Variants in ANXA2 observed in about 807,000 individuals in gnomAD.
ANXA2 encodes the protein annexin II.
Under a neutral mutation model 47.3 loss-of-function variants are expected in ANXA2, and 28 were observed. The ratio of observed to expected loss-of-function variants is 0.59; its 90% CI spans 0.44 to 0.81. ANXA2 has a LOEUF of 0.81. Among genes scored for constraint, ANXA2 ranks in the 40% least tolerant of loss-of-function variants. ANXA2 has a pLI of 0.00. For synonymous variants in ANXA2, 172 were observed against 155.5 expected (o/e 1.11, Z -0.79); for missense variants, 384 against 414.3 (o/e 0.93, Z 0.64).
intron 5 of ANXA2, 34 bp downstream of exon 5, chr15:60,360,907 G>T: frequency 7.4e-7 from 1 of 1,343,588 alleles, no homozygotes; most frequent in Non-Finnish European, 1.1e-6. Flanking sequence ...ATTAATAGCA[G>T]ATTTGACAGA....
chr15:60,371,063 G>C (rs900668382), intron 3 of ANXA2, among the ~76,000 whole-genome samples: 1 of 152,274 alleles, frequency 6.6e-6, no homozygotes, highest in Non-Finnish European at 1.5e-5. Flanking sequence ...AGAAGTTACA[G>C]TTTTCCAACA....
intron 3 of ANXA2, among the ~76,000 whole-genome samples, chr15:60,366,272 T>A (rs988639639): frequency 2.4e-4 from 37 of 151,220 alleles, no homozygotes; most frequent in African/African-American, 9.0e-4. Flanking sequence ...CGCCACCCCG[T>A]CTGGGAAGTG....
At position 60,351,706 on chromosome 15, in the gene ANXA2, G is replaced by C. The variant is rs749930415; in HGVS notation, c.778+18C>G. On this transcript the variant is annotated intron_variant, in intron 10 of 12. Transcript: ENST00000451270. ...TGGTAGCTGATGTCTACCAGGAATGGGGGCCACATTCACTTACCCAGGTTC... is the reference window on the plus strand; with the variant it reads ...TGGTAGCTGATGTCTACCAGGAATGCGGGCCACATTCACTTACCCAGGTTC... 2.6e-6 allele frequency: 4 copies of C among 1,520,032 alleles called. No homozygotes were observed. Among genetic ancestry groups the C allele is most frequent in the Non-Finnish European group, 3.7e-6 (4 of 1,094,554 alleles). The allele number at this position is 1,520,032 out of a possible 1,614,324, so 94.2% of individuals were successfully genotyped here.
chr15:60,372,610 A>AT (rs1478028948), intron 3 of ANXA2, among the ~76,000 whole-genome samples: 1 of 151,990 alleles, frequency 6.6e-6, no homozygotes, highest in Admixed American at 6.6e-5. Flanking sequence ...ATTTTGGTCC[A>AT]GTAGAAAAGA....
chr15:60,351,162 A>G, intron 11 of ANXA2, 31 bp downstream of exon 11: 1 of 1,611,372 alleles, frequency 6.2e-7, no homozygotes, highest in Non-Finnish European at 8.5e-7. Flanking sequence ...CTGAGTGTGG[A>G]AACACAGCTC....
At chr15:60,390,348 A>C (rs1595710252) in intron 1 of ANXA2, 1 of 805,410 alleles carries the variant, frequency 1.2e-6, no homozygotes. Context: ...CTTTCCTCCC[A>C]TGCCGATAGC....
chr15:60,361,906 C>CT (rs552103518), intron 4 of ANXA2, among the ~76,000 whole-genome samples: 1,555 of 146,120 alleles, frequency 0.011, 23 homozygotes, highest in African/African-American at 0.033. Flanking sequence ...CTTCTTTTCG[C>CT]TTTTTTTTTT....
chr15:60,363,201 G>C (rs1236701172), intron 4 of ANXA2, among the ~76,000 whole-genome samples: 4 of 152,146 alleles, frequency 2.6e-5, no homozygotes, highest in African/African-American at 7.2e-5. Flanking sequence ...CCAGCTCACA[G>C]ACCCCTTTGG....
At chr15:60,391,282 G>GACAC (rs1336553425) in intron 1 of ANXA2, 1 of 152,284 alleles carries the variant, frequency 6.6e-6, no homozygotes, top group African/African-American at 2.4e-5. Context: ...GACACAGAGA[G>GACAC]AAAGATCACA....
intron 3 of ANXA2, among the ~76,000 whole-genome samples, chr15:60,377,609 T>TAA (rs1264621001): frequency 1.3e-5 from 2 of 152,082 alleles, no homozygotes; most frequent in Non-Finnish European, 2.9e-5. Flanking sequence ...AAAAAACACA[T>TAA]AACTAAATTT....
chr15:60,365,175 TAACTTTATTAAAAAGAG>T (rs2062578044), intron 3 of ANXA2, among the ~76,000 whole-genome samples: 3 of 151,794 alleles, frequency 2.0e-5, no homozygotes, highest in African/African-American at 7.3e-5. Flanking sequence ...ATTAATTTTA[TAACTTTATTAAAAAGAG>T]TAAGTGTTTT....
chr15:60,362,051 C>T (rs2062522857), intron 4 of ANXA2, among the ~76,000 whole-genome samples: 1 of 152,038 alleles, frequency 6.6e-6, no homozygotes, highest in African/African-American at 2.4e-5. Flanking sequence ...CTGAATCATT[C>T]GTAGATGTCA....
rs74804427 is a variant in ANXA2, at chr15:60,392,958, A to G, written c.-12+4985T>C. 11 of 1,152,404 alleles carry G rather than the reference A, an allele frequency of 9.5e-6. No homozygotes were observed. The South Asian group carries it at 1.2e-4, about 13-fold the overall frequency. 71.4% of individuals were successfully genotyped at this position (1,152,404 alleles called of 1,614,324 possible). A position where few individuals can be genotyped will look rare whatever the true frequency, so the allele number is the denominator to read the frequency against. On this transcript the variant is annotated intron_variant, in intron 1 of 12. Coordinates refer to ENST00000451270, the MANE Select transcript of ANXA2 (RefSeq NM_004039.3). Reference sequence around the variant, plus strand: ...ATTTTAAACTAAAAAAAAAAAAAAAAAAAAATGTACTGGGTGAGGAGAGGG... The same window carrying G: ...ATTTTAAACTAAAAAAAAAAAAAAAGAAAAATGTACTGGGTGAGGAGAGGG...
In ANXA2 at chr15:60,351,174, C is replaced by G. The variant is rs748536773; in HGVS notation, c.837+19G>C. The G allele has an allele frequency of 5.5e-5, 88 of 1,613,652 alleles. 1 individual carries two copies. In the South Asian group the frequency reaches 6.8e-4, roughly 12 times the overall value. On this transcript the variant is annotated intron_variant, in intron 11 of 12. Coordinates refer to ENST00000451270, the MANE Select transcript of ANXA2 (RefSeq NM_004039.3). ...AAGCTGAGTGTGGAAACACAGCTCT[C>G]TCAGCCAGCTGCCCTTACCTTCATG...
In ANXA2 at chr15:60,349,138, G is replaced by A; in HGVS notation, c.897C>T (p.Asp299=). ...IRIMVSRSEV[D]MLKIRSEFKR... ...TGAATTCAGACCTAATTTTCAACAT[G>A]TCCACTTCACTGCGGGAGACCATGA... The change falls in exon 12 of 13, where the codon GAC becomes GAT. Residue 299 remains aspartate, a synonymous_variant. Coordinates refer to ENST00000451270, the MANE Select transcript of ANXA2 (RefSeq NM_004039.3). 3 of 1,613,996 alleles carry A rather than the reference G, an allele frequency of 1.9e-6. No homozygotes were observed. The highest frequency in any genetic ancestry group is 2.5e-6 in the Non-Finnish European group (3 of 1,179,912).
intron 11 of ANXA2, among the ~76,000 whole-genome samples, chr15:60,349,796 GAAGA>G (rs1268476555): frequency 7.2e-6 from 1 of 139,554 alleles, no homozygotes; most frequent in Non-Finnish European, 1.5e-5. Context: ...GAGAAAGAGA[GAAGA>G]AAGGGAAAGG....
intron 7 of ANXA2, chr15:60,355,499 C>T: frequency 3.5e-6 from 1 of 289,474 alleles, no homozygotes; most frequent in East Asian, 9.3e-5. Context: ...TCCACAAAGA[C>T]AACTCCACCC....
In ANXA2 at chr15:60,382,440, T is replaced by C. The variant is rs1436434775; in HGVS notation, c.50A>G (p.His17Arg). 40 of 1,607,938 alleles carry C rather than the reference T, an allele frequency of 2.5e-5. No homozygotes were observed. The highest frequency in any genetic ancestry group is 3.4e-5 in the Non-Finnish European group (40 of 1,175,026). The change falls in exon 3 of 13, where the codon CAC (histidine) becomes CGC (arginine). Residue 17 changes from histidine to arginine, a missense_variant and splice_region_variant. His to Arg is a conservative substitution (Grantham distance 29, BLOSUM62 0). Transcript: ENST00000451270. ...CCCATATGCACTTGGGGGTGTAGAG[T>C]GCTGAGGTTAAAAGATAAACATACT... is the stretch of plus-strand genomic sequence containing the variant. ...ILCKLSLEGD[H>R]STPPSAYGSV...
At chr15:60,367,378 G>C (rs1205258047) in intron 3 of ANXA2, among the ~76,000 whole-genome samples, 500 of 47,998 alleles carry the variant, frequency 0.01, no homozygotes, top group Non-Finnish European at 0.014. Context: ...CCAGCCGCCC[G>C]GTCCGGGAGG....
Sources: gnomAD v4.1 joint callset for allele counts (sites outside exome capture counted in the v4.1 genomes callset) on GRCh38, gnomAD v4.1.1 for gene constraint, MANE v1.5 for transcripts, NCBI Gene and HGNC (gene_info 2026-07-23, HGNC 2026-07-21) for gene names.